RALGPS1: variants seen among roughly 807,000 people sequenced by gnomAD.
The protein encoded by RALGPS1 is ras-specific guanine nucleotide-releasing factor RalGPS1.
RALGPS1 carries 19 observed loss-of-function variants against 78.8 expected under a neutral mutation model. That is an observed-to-expected ratio of 0.24 (90% confidence interval 0.17 to 0.35). RALGPS1 has a LOEUF of 0.35. RALGPS1 is among the 10% of genes least tolerant of loss of function. The pLI, the probability that RALGPS1 is intolerant of heterozygous loss-of-function variation, is 1.00. For synonymous variants in RALGPS1, 228 were observed against 256.3 expected (o/e 0.89, Z 1.06); for missense variants, 454 against 688.3 (o/e 0.66, Z 3.81).
intron 5 of RALGPS1, among the ~76,000 whole-genome samples, chr9:127,038,726 C>T (rs1242922303): frequency 6.6e-6 from 1 of 152,116 alleles, no homozygotes; most frequent in African/African-American, 2.4e-5. Flanking sequence ...CGATTCCAGT[C>T]CAGGGGAATC....
chr9:127,214,890 C>T (rs779386831), intron 18 of RALGPS1, 48 bp downstream of exon 18: 1 of 1,611,362 alleles, frequency 6.2e-7, no homozygotes, highest in Non-Finnish European at 8.5e-7. Flanking sequence ...CCTCTCCCAC[C>T]CTTGGAACTA....
At chr9:127,015,604 T>C (rs762892683) in intron 4 of RALGPS1, among the ~76,000 whole-genome samples, 1 of 152,150 alleles carries the variant, frequency 6.6e-6, no homozygotes, top group Non-Finnish European at 1.5e-5. Flanking sequence ...GATTTGGGGC[T>C]ACACGGTTTG....
chr9:127,211,551 A>T lies in RALGPS1; in HGVS notation c.1248-580A>T, dbSNP rs534033119. Among the ~76,000 whole-genome samples the T allele has an allele frequency of 3.3e-5, 5 of 152,252 alleles. No individual in the cohort carries two copies. The East Asian group carries it at 5.8e-4, about 18-fold the overall frequency. On this transcript the variant is annotated intron_variant, in intron 14 of 18. Transcript: ENST00000259351. The surrounding 1 kb of genome is among the most constrained non-coding windows in gnomAD (Gnocchi z 5.0). ...TGAGGCACCGGCAGATCCGGAGCTC[A>T]GGAGGGAGGTGTGGGCTGCCATGCC... is the stretch of plus-strand genomic sequence containing the variant.
chr9:127,059,755 C>G (rs1435696695), intron 7 of RALGPS1, among the ~76,000 whole-genome samples: 1 of 151,988 alleles, frequency 6.6e-6, no homozygotes, highest in Non-Finnish European at 1.5e-5. Context: ...CTTGCATGTT[C>G]CTTTGACAGC....
At chr9:126,920,592 C>G (rs1001791763) in intron 1 of RALGPS1, among the ~76,000 whole-genome samples, 1 of 152,072 alleles carries the variant, frequency 6.6e-6, no homozygotes, top group South Asian at 2.1e-4. Flanking sequence ...GATTTTAACT[C>G]GGGGGAAGAG....
At chr9:126,979,317 G>C (rs936943408) in intron 4 of RALGPS1, among the ~76,000 whole-genome samples, 9 of 151,620 alleles carry the variant, frequency 5.9e-5, no homozygotes, top group Admixed American at 5.9e-4. Context: ...ACAGAGCTTT[G>C]TTTGCTTTTT....
At chr9:126,990,353 T>G in intron 4 of RALGPS1, 1 of 212,980 alleles carries the variant, frequency 4.7e-6, no homozygotes, top group South Asian at 9.6e-5. Context: ...TCCCCCAGCC[T>G]CCTCTTTGGA....
chr9:127,101,941 C>CA (rs1210928209), intron 8 of RALGPS1, among the ~76,000 whole-genome samples: 21 of 152,158 alleles, frequency 1.4e-4, no homozygotes, highest in Middle Eastern at 3.4e-3. Flanking sequence ...ATAAATACTC[C>CA]AGGCCCTGTA....
At chr9:127,073,997 T>C (rs1214039293) in intron 8 of RALGPS1, among the ~76,000 whole-genome samples, 1 of 152,206 alleles carries the variant, frequency 6.6e-6, no homozygotes, top group Non-Finnish European at 1.5e-5. Flanking sequence ...TTCTCCTTCC[T>C]CAGCCTTCCG....
intron 4 of RALGPS1, among the ~76,000 whole-genome samples, chr9:126,986,579 C>A (rs1160537958): frequency 6.6e-6 from 1 of 152,194 alleles, no homozygotes; most frequent in Non-Finnish European, 1.5e-5. Context: ...ATGTCCAGTT[C>A]CCAGCCTATG....
At chr9:127,177,440 A>C (rs1449949936) in intron 11 of RALGPS1, among the ~76,000 whole-genome samples, 1 of 152,176 alleles carries the variant, frequency 6.6e-6, no homozygotes, top group African/African-American at 2.4e-5. Flanking sequence ...GGCGATGGCG[A>C]CAGAGGCTTC....
intron 5 of RALGPS1, among the ~76,000 whole-genome samples, chr9:127,043,257 G>T (rs369196162): frequency 1.3e-5 from 2 of 152,192 alleles, no homozygotes; most frequent in African/African-American, 4.8e-5. Flanking sequence ...TGGTATTGGC[G>T]AAAGAATTGG....
chr9:127,093,141 C>T (rs959299787), intron 8 of RALGPS1, among the ~76,000 whole-genome samples: 1 of 152,136 alleles, frequency 6.6e-6, no homozygotes, highest in African/African-American at 2.4e-5. Context: ...TCTTGCCTTC[C>T]TTAGTACTAC....
At chr9:127,016,100 T>A (rs1260525513) in intron 4 of RALGPS1, among the ~76,000 whole-genome samples, 16 of 152,140 alleles carry the variant, frequency 1.1e-4, no homozygotes, top group Admixed American at 1.0e-3. Context: ...CCAGGCTCCC[T>A]CCTTCCCTGC....
At chr9:126,999,572 A>C (rs1325644786) in intron 4 of RALGPS1, among the ~76,000 whole-genome samples, 1 of 152,178 alleles carries the variant, frequency 6.6e-6, no homozygotes, top group Non-Finnish European at 1.5e-5. Context: ...AGTTAGAATC[A>C]TATAGTATGT....
intron 3 of RALGPS1, among the ~76,000 whole-genome samples, chr9:126,974,020 GCA>G (rs1251282095): frequency 6.6e-6 from 1 of 152,034 alleles, no homozygotes; most frequent in East Asian, 1.9e-4. Flanking sequence ...TTACAGACAT[GCA>G]CCACCACACC....
At chr9:126,942,641 G>C (rs1400858256) in intron 1 of RALGPS1, among the ~76,000 whole-genome samples, 1 of 152,136 alleles carries the variant, frequency 6.6e-6, no homozygotes, top group Non-Finnish European at 1.5e-5. Flanking sequence ...TCTTCTTACT[G>C]TAGTTCTTTT....
Position 126,948,828 on chromosome 9 carries a change from T to A in RALGPS1, c.-65-13397T>A, listed in dbSNP as rs538944063. ...AATCTCCCAAGTTCTTTTTTTTTTT[T>A]ATTATACTTTAAGTTTTAGGGTACA... On this transcript the variant is annotated intron_variant, in intron 1 of 18. Coordinates refer to ENST00000259351, the MANE Select transcript of RALGPS1 (RefSeq NM_014636.3). Among the ~76,000 whole-genome samples the A allele has an allele frequency of 1.8e-4, 28 of 151,930 alleles. 1 individual carries two copies. The East Asian group carries it at 4.6e-3, about 25-fold the overall frequency.
In RALGPS1 at chr9:126,953,016, C is replaced by T. The variant is rs150590556; in HGVS notation, c.-65-9209C>T. Among the ~76,000 whole-genome samples the T allele has an allele frequency of 4.6e-5, 7 of 152,276 alleles. No individual in the cohort carries two copies. In the East Asian group the frequency reaches 1.4e-3, roughly 29 times the overall value. On this transcript the variant is annotated intron_variant, in intron 1 of 18. Transcript: ENST00000259351. ...CTGGACGTGTGTATTTTCTTTGAAACAACCTCCTTAAGCTGGAAAAAGTGA... is the reference window on the plus strand; with the variant it reads ...CTGGACGTGTGTATTTTCTTTGAAATAACCTCCTTAAGCTGGAAAAAGTGA...
Sources: allele counts gnomAD v4.1 joint callset (sites outside exome capture counted in the v4.1 genomes callset), GRCh38; gene constraint gnomAD v4.1.1; non-coding constraint Gnocchi (gnomAD v3.1); transcripts MANE v1.5; gene names NCBI Gene and HGNC (gene_info 2026-07-23, HGNC 2026-07-21).